B3GLCT: variants seen among roughly 807,000 people sequenced by gnomAD.
B3GLCT encodes beta 3-glucosyltransferase, also known as beta-1,3-glucosyltransferase.
B3GLCT carries 65 observed loss-of-function variants against 63.4 expected under a neutral mutation model. The observed-to-expected ratio is 1.03, with a 90% CI of 0.84 to 1.26. B3GLCT has a LOEUF of 1.26. B3GLCT is among the 50% of genes most tolerant of loss of function. The probability of loss-of-function intolerance (pLI) is 0.00; values close to 1 mark genes in which losing one functional copy is unlikely to be tolerated. For missense variants in B3GLCT, 577 were observed against 604.8 expected, an observed-to-expected ratio of 0.95 and a Z score of 0.48; for synonymous variants, 233 against 219.2, an observed-to-expected ratio of 1.06 and a Z score of -0.55.
chr13:31,289,279 A>C (rs1404014619), intron 12 of B3GLCT, among the ~76,000 whole-genome samples: 1 of 152,166 alleles, frequency 6.6e-6, no homozygotes, highest in Non-Finnish European at 1.5e-5. Flanking sequence ...ATAAATTATC[A>C]ATATTTTTGA....
intron 7 of B3GLCT, among the ~76,000 whole-genome samples, chr13:31,262,862 G>A (rs1872105646): frequency 6.6e-6 from 1 of 152,030 alleles, no homozygotes; most frequent in African/African-American, 2.4e-5. Flanking sequence ...GAAAGATTTG[G>A]TCTGACTTCT....
At chr13:31,269,151 A>G in intron 7 of B3GLCT, 63 bp from the exon 8 acceptor site, 2 of 1,059,586 alleles carry the variant, frequency 1.9e-6, no homozygotes, top group Non-Finnish European at 2.9e-6. Flanking sequence ...AGTCTCAAGA[A>G]TGTGTTAGTC....
chr13:31,207,767 T>G (rs2137732299), intron 1 of B3GLCT, among the ~76,000 whole-genome samples: 1 of 152,336 alleles, frequency 6.6e-6, no homozygotes, highest in African/African-American at 2.4e-5. Flanking sequence ...GAATATTGTG[T>G]CTGCATGCTT....
chr13:31,313,707 A>G (rs1874842978), intron 12 of B3GLCT, among the ~76,000 whole-genome samples: 1 of 152,228 alleles, frequency 6.6e-6, no homozygotes, highest in South Asian at 2.1e-4. Flanking sequence ...GGAGAAAGTC[A>G]AGCCGGCTGC....
At chr13:31,325,022 T>G (rs188997308) in intron 14 of B3GLCT, among the ~76,000 whole-genome samples, 199 of 152,334 alleles carry the variant, frequency 1.3e-3, no homozygotes, top group Non-Finnish European at 2.4e-3. Context: ...TCTATTTATT[T>G]GGTAACCAGT....
chr13:31,201,116 T>C (rs1206251173), intron 1 of B3GLCT, among the ~76,000 whole-genome samples: 1 of 152,170 alleles, frequency 6.6e-6, no homozygotes, highest in Non-Finnish European at 1.5e-5. Flanking sequence ...CTACAGAGTT[T>C]TTGTCCTCTA....
intron 12 of B3GLCT, 82 bp from the exon 13 acceptor site, chr13:31,317,484 A>G: frequency 2.0e-6 from 3 of 1,493,048 alleles, no homozygotes; most frequent in East Asian, 2.3e-5. Flanking sequence ...CAGTATACAG[A>G]GTGGGATGTA....
chr13:31,278,113 A>T (rs1001870564), intron 10 of B3GLCT, among the ~76,000 whole-genome samples: 4 of 151,972 alleles, frequency 2.6e-5, no homozygotes, highest in African/African-American at 9.7e-5. Context: ...GATTTAATTG[A>T]TCTTGAAGCT....
At chr13:31,231,402 T>C (rs935825417) in intron 4 of B3GLCT, among the ~76,000 whole-genome samples, 3 of 152,192 alleles carry the variant, frequency 2.0e-5, no homozygotes, top group African/African-American at 7.2e-5. Flanking sequence ...AATACCTTTC[T>C]TTTTGCAGAT....
chr13:31,203,423 G>C (rs1252421957), intron 1 of B3GLCT, among the ~76,000 whole-genome samples: 1 of 152,202 alleles, frequency 6.6e-6, no homozygotes, highest in South Asian at 2.1e-4. Context: ...GTGGGAGGGA[G>C]GGAGAGCATC....
At chr13:31,209,342 T>C (rs1389617881) in intron 1 of B3GLCT, among the ~76,000 whole-genome samples, 1 of 152,218 alleles carries the variant, frequency 6.6e-6, no homozygotes, top group Non-Finnish European at 1.5e-5. Context: ...AAGTTGGCTA[T>C]GCGCCATGCA....
At chr13:31,266,675 G>A (rs1267180026) in intron 7 of B3GLCT, among the ~76,000 whole-genome samples, 2 of 152,154 alleles carry the variant, frequency 1.3e-5, no homozygotes, top group African/African-American at 2.4e-5. Context: ...TTGAGGTTGT[G>A]GTACACTCTG....
intron 6 of B3GLCT, among the ~76,000 whole-genome samples, chr13:31,248,832 G>T (rs1871307430): frequency 6.6e-6 from 1 of 152,196 alleles, no homozygotes; most frequent in African/African-American, 2.4e-5. Flanking sequence ...ATTTGCGAAT[G>T]ACTTTATAAC....
At chr13:31,219,902 A>G (rs1566045888) in intron 2 of B3GLCT, among the ~76,000 whole-genome samples, 2 of 152,320 alleles carry the variant, frequency 1.3e-5, no homozygotes, top group East Asian at 3.9e-4. Context: ...ATAATGATGA[A>G]AAAAGGGTAG....
intron 2 of B3GLCT, among the ~76,000 whole-genome samples, chr13:31,217,436 G>A (rs1869615632): frequency 6.6e-6 from 1 of 152,156 alleles, no homozygotes; most frequent in South Asian, 2.1e-4. Context: ...CTGTGGAGAA[G>A]CTCTTTCATT....
intron 1 of B3GLCT, among the ~76,000 whole-genome samples, chr13:31,202,581 T>TGGTGGCAGC (rs1868734845): frequency 6.6e-6 from 1 of 152,054 alleles, no homozygotes; most frequent in African/African-American, 2.4e-5. Flanking sequence ...GGTGGGGTGG[T>TGGTGGCAGC]GGTGGCAGCG....
chr13:31,227,148 G>A (rs933455839), intron 3 of B3GLCT, among the ~76,000 whole-genome samples: 7 of 152,092 alleles, frequency 4.6e-5, no homozygotes, highest in African/African-American at 1.7e-4. Context: ...TTGCTGCATA[G>A]TATTCAAGTT....
chr13:31,260,010 T>C (rs1402984537), intron 6 of B3GLCT, among the ~76,000 whole-genome samples: 1 of 152,198 alleles, frequency 6.6e-6, no homozygotes, highest in Non-Finnish European at 1.5e-5. Context: ...TGGAAGTCTT[T>C]CGTTACACTT....
At chr13:31,299,663 C>T (rs1874129128) in intron 12 of B3GLCT, among the ~76,000 whole-genome samples, 1 of 152,152 alleles carries the variant, frequency 6.6e-6, no homozygotes, top group Non-Finnish European at 1.5e-5. Flanking sequence ...AGATTCAGCC[C>T]ATCTCTGCCT....
Sources: gnomAD v4.1 joint callset for allele counts (sites outside exome capture counted in the v4.1 genomes callset) on GRCh38, gnomAD v4.1.1 for gene constraint, MANE v1.5 for transcripts, NCBI Gene and HGNC (gene_info 2026-07-23, HGNC 2026-07-21) for gene names.